COP1: variants seen among roughly 807,000 people sequenced by gnomAD.
COP1 encodes the protein COP1 E3 ubiquitin ligase.
COP1 carries 24 observed loss-of-function variants against 101.3 expected under a neutral mutation model. The ratio of observed to expected loss-of-function variants is 0.24; its 90% CI spans 0.17 to 0.33. The LOEUF (loss-of-function observed/expected upper bound fraction) is 0.33, where lower values mean the gene tolerates loss of function less well. Ranked by LOEUF, COP1 falls within the 10% of genes least tolerant of loss-of-function variation. The probability of loss-of-function intolerance (pLI) is 1.00; values close to 1 mark genes in which losing one functional copy is unlikely to be tolerated. For synonymous variants in COP1, 347 were observed against 341.9 expected (o/e 1.01, Z -0.17); for missense variants, 663 against 906.2 (o/e 0.73, Z 3.45).
chr1:176,057,753 C>A (rs552408802), intron 11 of COP1, among the ~76,000 whole-genome samples: 1 of 151,314 alleles, frequency 6.6e-6, no homozygotes, highest in South Asian at 2.2e-4. Context: ...TGCCCGGCTG[C>A]CACCCCATCT....
At chr1:176,186,961 G>C (rs1398130524) in intron 1 of COP1, among the ~76,000 whole-genome samples, 1 of 152,140 alleles carries the variant, frequency 6.6e-6, no homozygotes, top group Non-Finnish European at 1.5e-5. Context: ...TCATCCGTTA[G>C]TTTATTTAAA....
chr1:176,079,084 T>C (rs1344851506), intron 11 of COP1, among the ~76,000 whole-genome samples: 1 of 152,146 alleles, frequency 6.6e-6, no homozygotes, highest in African/African-American at 2.4e-5. Flanking sequence ...TTTGGAGATT[T>C]GTCATGTAAG....
intron 9 of COP1, 70 bp downstream of exon 9, chr1:176,116,554 T>C: frequency 7.8e-7 from 1 of 1,286,080 alleles, no homozygotes; most frequent in Non-Finnish European, 1.1e-6. Flanking sequence ...TTTAGTAAAC[T>C]AATCTATGAT....
At chr1:176,120,122 CAG>C (rs1417282011) in intron 8 of COP1, among the ~76,000 whole-genome samples, 1 of 152,054 alleles carries the variant, frequency 6.6e-6, no homozygotes, top group Non-Finnish European at 1.5e-5. Flanking sequence ...AAATATAAGA[CAG>C]AATCATATAT....
At chr1:176,175,811 T>C (rs1427549356) in intron 3 of COP1, 99 bp downstream of exon 3, 4 of 634,562 alleles carry the variant, frequency 6.3e-6, no homozygotes, top group Non-Finnish European at 8.3e-6. Context: ...AGAGAGAGAC[T>C]TGCTTACCAC....
intron 5 of COP1, among the ~76,000 whole-genome samples, chr1:176,157,579 A>C (rs1199332615): frequency 2.0e-5 from 3 of 152,196 alleles, no homozygotes; most frequent in African/African-American, 7.2e-5. Flanking sequence ...AGTGAGGCAA[A>C]ACTAGCAGAG....
At chr1:176,074,575 C>A (rs1408193136) in intron 11 of COP1, among the ~76,000 whole-genome samples, 1 of 152,002 alleles carries the variant, frequency 6.6e-6, no homozygotes, top group Non-Finnish European at 1.5e-5. Context: ...TTTAATCTAA[C>A]CACAATTTGT....
At chr1:176,178,997 A>T (rs1310074800) in intron 2 of COP1, among the ~76,000 whole-genome samples, 78 of 149,952 alleles carry the variant, frequency 5.2e-4, no homozygotes, top group East Asian at 3.1e-3. Flanking sequence ...TTTTTTTTTT[A>T]AAAAAAGACA....
intron 2 of COP1, among the ~76,000 whole-genome samples, chr1:176,181,807 C>T (rs1459770973): frequency 3.3e-5 from 5 of 151,572 alleles, no homozygotes; most frequent in African/African-American, 9.7e-5. Context: ...CGAGCCACTG[C>T]ACTCCAGCCT....
intron 18 of COP1, among the ~76,000 whole-genome samples, chr1:175,952,474 C>A (rs1473333682): frequency 6.7e-6 from 1 of 149,530 alleles, no homozygotes; most frequent in East Asian, 2.0e-4. Context: ...TTGAGATACA[C>A]AAAATTAAAG....
At chr1:175,956,037 A>C (rs1410632453) in intron 18 of COP1, among the ~76,000 whole-genome samples, 1 of 152,208 alleles carries the variant, frequency 6.6e-6, no homozygotes, top group East Asian at 1.9e-4. Context: ...TATAATAGTT[A>C]AAATAATTTT....
intron 11 of COP1, among the ~76,000 whole-genome samples, chr1:176,074,169 T>C (rs1307981085): frequency 1.3e-5 from 2 of 152,130 alleles, no homozygotes; most frequent in Non-Finnish European, 2.9e-5. Flanking sequence ...TCAAGTGATC[T>C]GCCTGCCTCG....
intron 18 of COP1, among the ~76,000 whole-genome samples, chr1:175,985,781 G>A (rs1415612890): frequency 6.6e-6 from 1 of 152,046 alleles, no homozygotes; most frequent in Admixed American, 6.5e-5. Flanking sequence ...TTACTTGGAG[G>A]AAGGGTTGGT....
At chr1:175,978,316 A>C (rs1293324819) in intron 18 of COP1, among the ~76,000 whole-genome samples, 3 of 152,170 alleles carry the variant, frequency 2.0e-5, no homozygotes, top group African/African-American at 7.2e-5. Context: ...ATAATGAAAA[A>C]TTTAAAATGT....
chr1:176,039,187 T>C (rs752244980), intron 14 of COP1, among the ~76,000 whole-genome samples: 2 of 151,980 alleles, frequency 1.3e-5, no homozygotes, highest in African/African-American at 4.8e-5. Context: ...AGCTGAAAAA[T>C]TCCCAAATAA....
intron 12 of COP1, among the ~76,000 whole-genome samples, chr1:176,044,474 C>T (rs2149191647): frequency 6.6e-6 from 1 of 152,298 alleles, no homozygotes; most frequent in African/African-American, 2.4e-5. Context: ...ACTTAGAAGG[C>T]AGTTAATGTA....
At chr1:176,055,386 G>C (rs1673282271) in intron 11 of COP1, among the ~76,000 whole-genome samples, 1 of 152,194 alleles carries the variant, frequency 6.6e-6, no homozygotes, top group Admixed American at 6.5e-5. Flanking sequence ...AGTAAGCCGA[G>C]ATCGCACCAC....
chr1:176,172,259 C>A (rs1209040444), intron 3 of COP1, among the ~76,000 whole-genome samples: 2 of 152,180 alleles, frequency 1.3e-5, no homozygotes, highest in African/African-American at 2.4e-5. Flanking sequence ...GCAGACTGGT[C>A]GCAAACTCAT....
intron 1 of COP1, among the ~76,000 whole-genome samples, chr1:176,205,139 T>C (rs1700698693): frequency 6.6e-6 from 1 of 152,212 alleles, no homozygotes. Flanking sequence ...TTAAGTATAC[T>C]AAAAATTAAA....
Sources: gnomAD v4.1 joint callset for allele counts (sites outside exome capture counted in the v4.1 genomes callset) on GRCh38, gnomAD v4.1.1 for gene constraint, MANE v1.5 for transcripts, NCBI Gene and HGNC (gene_info 2026-07-23, HGNC 2026-07-21) for gene names.